The following PHACTR3 variants were observed in gnomAD, a reference collection of about 807,000 sequenced individuals.
PHACTR3 encodes the protein phosphatase and actin regulator 3.
In PHACTR3, 16 loss-of-function variants were observed where a neutral mutation model predicts 66.8. The observed-to-expected ratio is 0.24, with a 90% CI of 0.16 to 0.36. The LOEUF (loss-of-function observed/expected upper bound fraction) is 0.36. PHACTR3 is among the 10% of genes least tolerant of loss of function. PHACTR3 has a pLI of 1.00. For synonymous variants in PHACTR3, 323 were observed against 292.1 expected, an observed-to-expected ratio of 1.11 and a Z score of -1.08; for missense variants, 647 against 719.9, an observed-to-expected ratio of 0.90 and a Z score of 1.16.
rs2042306977 is a variant in PHACTR3, at chr20:59,830,038, G to A, written c.1329-6467G>A. Among the ~76,000 whole-genome samples, 1 of 152,220 alleles carries A rather than the reference G, an allele frequency of 6.6e-6. No individual in the cohort carries two copies. Among genetic ancestry groups the A allele is most frequent in the Non-Finnish European group, 1.5e-5 (1 of 68,042 alleles). On this transcript the variant is annotated intron_variant, in intron 8 of 12. Transcript: ENST00000371015. The surrounding 1 kb of genome is among the most constrained non-coding windows in gnomAD (Gnocchi z 5.8). ...TGCTCATCATGCAGGAAGGCAGTCAGCTGAGCAGTGTGTGCAGAGGACGAT... is the reference window on the plus strand; with the variant it reads ...TGCTCATCATGCAGGAAGGCAGTCAACTGAGCAGTGTGTGCAGAGGACGAT...
chr20:59,663,632 G>A (rs144545364), intron 1 of PHACTR3, among the ~76,000 whole-genome samples: 59 of 152,328 alleles, frequency 3.9e-4, no homozygotes, highest in African/African-American at 1.3e-3. Context: ...TCGACACCAA[G>A]CCCTCACGCA....
chr20:59,745,890 A>G (rs2039352869), intron 2 of PHACTR3, among the ~76,000 whole-genome samples: 1 of 152,168 alleles, frequency 6.6e-6, no homozygotes, highest in Admixed American at 6.5e-5. Flanking sequence ...GGTCATCGGG[A>G]AGTCCTTGAG....
intron 4 of PHACTR3, among the ~76,000 whole-genome samples, chr20:59,765,051 C>G (rs2040136515): frequency 6.6e-6 from 1 of 152,198 alleles, no homozygotes; most frequent in Non-Finnish European, 1.5e-5. Flanking sequence ...TAACTGGAAC[C>G]TACATAGAGA....
Position 59,604,782 on chromosome 20 carries a change from CG to C in PHACTR3, c.-232del. 1 of 1,195,920 alleles carries C rather than the reference CG, an allele frequency of 8.4e-7. No homozygotes were observed. 74.1% of individuals were successfully genotyped at this position (1,195,920 alleles called of 1,614,324 possible). A position where few individuals can be genotyped will look rare whatever the true frequency, so the allele number is the denominator to read the frequency against. ...ATAAATAACAAAGCGAGGCCGCGCA[CG>C]CCGGGATGCGCCTGGCTGCAGCCGG... On this transcript the variant is annotated 5_prime_UTR_variant, in exon 1 of 13. Transcript: ENST00000371015.
chr20:59,662,187 C>T (rs1392690777), intron 1 of PHACTR3, among the ~76,000 whole-genome samples: 4 of 152,140 alleles, frequency 2.6e-5, no homozygotes, highest in African/African-American at 7.2e-5. Context: ...AGGCCGGTCT[C>T]ACCCTCAAAG....
At chr20:59,644,942 C>T (rs1406051486) in intron 1 of PHACTR3, among the ~76,000 whole-genome samples, 1 of 152,050 alleles carries the variant, frequency 6.6e-6, no homozygotes, top group African/African-American at 2.4e-5. Flanking sequence ...GAGGCTGGGG[C>T]TTCTGTTCAT....
intron 1 of PHACTR3, among the ~76,000 whole-genome samples, chr20:59,721,840 A>AACCATTACGATT (rs1166027670): frequency 3.3e-5 from 5 of 152,192 alleles, no homozygotes; most frequent in Non-Finnish European, 5.9e-5. Flanking sequence ...TGGTTGGACA[A>AACCATTACGATT]ACAGACAAAG....
rs890406839 is a variant in PHACTR3 at position 59,736,425 on chromosome 20, G to A, written c.119-6682G>A. ...CTCCCATCTGTCCCTTCCCTCTGTG[G>A]ACAGGTGTGCATGGGCCACATGCAC... On this transcript the variant is annotated intron_variant, in intron 1 of 12. Transcript: ENST00000371015. The surrounding 1 kb of genome is among the most constrained non-coding windows in gnomAD (Gnocchi z 4.6). 1.3e-5 allele frequency among the ~76,000 whole-genome samples: 2 copies of A among 152,084 alleles called. No individual in the cohort carries two copies. The highest frequency in any genetic ancestry group is 2.9e-5 in the Non-Finnish European group (2 of 67,984).
At position 59,801,166 on chromosome 20, in the gene PHACTR3, C is replaced by T. The variant is rs115570129; in HGVS notation, c.1175-4875C>T. ...ACGCTAACTCTGGCTGCCCTGATCC[C>T]CTTGGCCTCTCAGGTTCATATTCTC... On this transcript the variant is annotated intron_variant, in intron 7 of 12. Transcript: ENST00000371015. Among the ~76,000 whole-genome samples, 240 of 152,238 alleles carry T rather than the reference C, an allele frequency of 1.6e-3. 1 individual carries two copies. The highest frequency in any genetic ancestry group is 5.6e-3 in the African/African-American group (234 of 41,534).
intron 7 of PHACTR3, among the ~76,000 whole-genome samples, chr20:59,784,041 T>C (rs997584052): frequency 3.9e-5 from 6 of 152,214 alleles, no homozygotes; most frequent in Non-Finnish European, 1.5e-5. Flanking sequence ...CTAGTCTGCA[T>C]GTTGCTGTGA....
chr20:59,640,883 T>C (rs190423817), intron 1 of PHACTR3, among the ~76,000 whole-genome samples: 3 of 152,278 alleles, frequency 2.0e-5, no homozygotes, highest in South Asian at 2.1e-4. Flanking sequence ...GTTGTAAAAA[T>C]GGACCAAAAA....
intron 1 of PHACTR3, among the ~76,000 whole-genome samples, chr20:59,578,954 G>A (rs769960373): frequency 7.9e-4 from 120 of 152,170 alleles, no homozygotes; most frequent in Non-Finnish European, 1.3e-3. Context: ...GGGTGGAGTC[G>A]GGAGAGGGAG....
chr20:59,703,084 A>G (rs1249271898), intron 1 of PHACTR3, among the ~76,000 whole-genome samples: 1 of 152,216 alleles, frequency 6.6e-6, no homozygotes, highest in African/African-American at 2.4e-5. Flanking sequence ...TGATTCTGCC[A>G]TTCTCCATTC....
At chr20:59,585,289 G>C (rs1179289304) in intron 1 of PHACTR3, among the ~76,000 whole-genome samples, 1 of 152,192 alleles carries the variant, frequency 6.6e-6, no homozygotes, top group Non-Finnish European at 1.5e-5. Flanking sequence ...AAGAACATAT[G>C]AGGTTGGAGG....
intron 3 of PHACTR3, among the ~76,000 whole-genome samples, chr20:59,749,537 G>T (rs995652405): frequency 5.9e-5 from 9 of 152,162 alleles, no homozygotes; most frequent in Non-Finnish European, 1.2e-4. Flanking sequence ...TGGGAGCCTG[G>T]TCTCTGGCTT....
chr20:59,737,256 C>T (rs2146741702), intron 1 of PHACTR3, among the ~76,000 whole-genome samples: 1 of 152,270 alleles, frequency 6.6e-6, no homozygotes, highest in East Asian at 1.9e-4. Flanking sequence ...TCGACACCTG[C>T]CCTCGAGGCT....
chr20:59,670,140 T>C (rs1006516784), intron 1 of PHACTR3, among the ~76,000 whole-genome samples: 16 of 152,228 alleles, frequency 1.1e-4, no homozygotes, highest in Admixed American at 7.8e-4. Flanking sequence ...TGCTCTTTCT[T>C]CTGATCTTTA....
chr20:59,616,468 C>T (rs1432299132), intron 1 of PHACTR3, among the ~76,000 whole-genome samples: 1 of 152,246 alleles, frequency 6.6e-6, no homozygotes, highest in Non-Finnish European at 1.5e-5. Context: ...TTCCTCCCTT[C>T]ACCCTGTACT....
intron 1 of PHACTR3, among the ~76,000 whole-genome samples, chr20:59,672,437 G>A (rs1244994013): frequency 6.6e-6 from 1 of 152,192 alleles, no homozygotes; most frequent in Non-Finnish European, 1.5e-5. Flanking sequence ...ACACTCAGTG[G>A]TCGGGGTTGC....
Sources: gnomAD v4.1 joint callset for allele counts (sites outside exome capture counted in the v4.1 genomes callset) on GRCh38, gnomAD v4.1.1 for gene constraint, Gnocchi (gnomAD v3.1) non-coding constraint, MANE v1.5 for transcripts, NCBI Gene and HGNC (gene_info 2026-07-23, HGNC 2026-07-21) for gene names.